KIF13A: variants seen among roughly 807,000 people sequenced by gnomAD.
KIF13A encodes kinesin-like protein KIF13A.
In KIF13A, 79 loss-of-function variants were observed where a neutral mutation model predicts 212.2. That is an observed-to-expected ratio of 0.37 (90% CI 0.31 to 0.45). The LOEUF (loss-of-function observed/expected upper bound fraction) is 0.45, where lower values mean the gene tolerates loss of function less well. Among genes scored for constraint, KIF13A ranks in the 20% least tolerant of loss-of-function variants. The pLI, the probability that KIF13A is intolerant of heterozygous loss-of-function variation, is 1.00. For synonymous variants in KIF13A, 789 were observed against 808.6 expected, an observed-to-expected ratio of 0.98 and a Z score of 0.41; for missense variants, 1,901 against 2,209.0, an observed-to-expected ratio of 0.86 and a Z score of 2.79.
At chr6:17,983,464 C>G (rs1781270329) in intron 2 of KIF13A, among the ~76,000 whole-genome samples, 1 of 151,096 alleles carries the variant, frequency 6.6e-6, no homozygotes, top group African/African-American at 2.4e-5. Context: ...CCACACCCAC[C>G]CCACCCCCAA....
rs778898580 is a variant in KIF13A at position 17,834,027 on chromosome 6, T to C, written c.1200A>G (p.Glu400=). The part of the protein sequence containing the change: ...PELKEKLEES[E]KLIKELTVTW... ...TCACTGTTAGTTCTTTTATCAGCTT[T>C]TCAGACTCTTCGAGCTTCTCCTTCA... The change falls in exon 12 of 39, where the codon GAA becomes GAG. Residue 400 remains glutamate (E), a synonymous_variant. Transcript: ENST00000259711. This position sits in a 1 kb window ranked among gnomAD's most constrained non-coding sequence, Gnocchi z 4.0. 6.2e-7 allele frequency: 1 copy of C among 1,603,318 alleles called. No homozygotes were observed. The highest frequency in any genetic ancestry group is 8.5e-7 in the Non-Finnish European group (1 of 1,177,908).
chr6:17,985,413 ATC>A (rs1198539660), intron 2 of KIF13A, among the ~76,000 whole-genome samples: 1 of 152,170 alleles, frequency 6.6e-6, no homozygotes. Flanking sequence ...ACAAAATCAA[ATC>A]TGTTTCTCTT....
rs1266512680 is a variant in KIF13A, at chr6:17,888,923, T to C, written c.159+9245A>G. On this transcript the variant is annotated intron_variant, in intron 3 of 38. Transcript: ENST00000259711. The surrounding 1 kb of genome is among the most constrained non-coding windows in gnomAD (Gnocchi z 4.8). The stretch of plus-strand genomic sequence containing the variant: ...AAAATCTTATATTCTTTTTCTTTCT[T>C]GTACCAAGTCTTCTAAATCTAGCAT... Among the ~76,000 whole-genome samples the C allele has an allele frequency of 6.6e-6, 1 of 152,222 alleles. No homozygotes were observed. The highest frequency in any genetic ancestry group is 2.4e-5 in the African/African-American group (1 of 41,466).
At chr6:17,975,420 G>A (rs891143407) in intron 2 of KIF13A, among the ~76,000 whole-genome samples, 1 of 152,076 alleles carries the variant, frequency 6.6e-6, no homozygotes, top group Non-Finnish European at 1.5e-5. Flanking sequence ...TTTCCTTTTG[G>A]TGGGTTCGTG....
In KIF13A at chr6:17,926,705, A is replaced by G. The variant is rs1315634020; in HGVS notation, c.147-28525T>C. On this transcript the variant is annotated intron_variant, in intron 2 of 38. Transcript: ENST00000259711. This position sits in a 1 kb window ranked among gnomAD's most constrained non-coding sequence, Gnocchi z 4.3. Reference sequence around the variant, plus strand: ...TGACGTAAAAATTACTTATAATCTCAGAGTGTAATAAGTGGAGAATGTTTA... The same window carrying G: ...TGACGTAAAAATTACTTATAATCTCGGAGTGTAATAAGTGGAGAATGTTTA... 1.3e-5 allele frequency among the ~76,000 whole-genome samples: 2 copies of G among 152,232 alleles called. No individual in the cohort carries two copies. Among genetic ancestry groups the G allele is most frequent in the Non-Finnish European group, 2.9e-5 (2 of 68,038 alleles).
intron 20 of KIF13A, among the ~76,000 whole-genome samples, chr6:17,804,076 C>T (rs1422306586): frequency 2.0e-5 from 3 of 152,114 alleles, no homozygotes; most frequent in African/African-American, 4.8e-5. Context: ...GGCGTGAACC[C>T]GGAAGGCGGA....
chr6:17,942,912 G>A (rs1021390852), intron 2 of KIF13A, among the ~76,000 whole-genome samples: 2 of 152,140 alleles, frequency 1.3e-5, no homozygotes, highest in Admixed American at 6.5e-5. Context: ...CTGGGAGATG[G>A]AGGTTGCAGT....
chr6:17,759,236 T>C (rs2038744), downstream of KIF13A: 149,831 of 152,314 alleles, frequency 0.98, 73,747 homozygotes, highest in Middle Eastern at 1. Flanking sequence ...TAAAGACAAA[T>C]GATTAGTGTT....
chr6:17,937,435 A>G (rs1776563135), intron 2 of KIF13A, among the ~76,000 whole-genome samples: 1 of 152,178 alleles, frequency 6.6e-6, no homozygotes, highest in South Asian at 2.1e-4. Flanking sequence ...TATTTTTGTA[A>G]CTGTCTGAGT....
chr6:17,836,663 G>C (rs768628185), intron 11 of KIF13A, among the ~76,000 whole-genome samples: 1 of 152,072 alleles, frequency 6.6e-6, no homozygotes, highest in South Asian at 2.1e-4. Flanking sequence ...TCACTATCAC[G>C]AGAACAGCAA....
Position 17,780,904 on chromosome 6 carries a change from A to G in KIF13A, c.3672T>C (p.Val1224=), listed in dbSNP as rs1198289158. 1 of 1,612,552 alleles carries G rather than the reference A, an allele frequency of 6.2e-7. No individual in the cohort carries two copies. The highest frequency in any genetic ancestry group is 1.3e-5 in the African/African-American group (1 of 74,906). The part of the protein sequence containing the change: ...LPIIKHSDDE[V]SATASWDSSV... ...AGGAATCCCAAGAGGCTGTGGCTGA[A>G]ACCTAGGAGTTGGGGAATGATGAGG... Residue 1224 remains valine, a splice_region_variant and synonymous_variant, in exon 31 of 39, where the codon GTT becomes GTC. Coordinates refer to ENST00000259711, the MANE Select transcript of KIF13A (RefSeq NM_022113.6).
chr6:17,769,976 G>C lies in KIF13A; in HGVS notation c.4581+1138C>G, dbSNP rs753505667. ...AGGGGAAGAGGGATGAAGAAATAGA[G>C]GGAAAATGGTGCTTTTCTTCTTTCT... On this transcript the variant is annotated intron_variant, in intron 38 of 38. Transcript: ENST00000259711. This position sits in a 1 kb window ranked among gnomAD's most constrained non-coding sequence, Gnocchi z 5.8. Among the ~76,000 whole-genome samples the C allele has an allele frequency of 1.3e-5, 2 of 152,114 alleles. No individual in the cohort carries two copies.
rs976071782 is a variant in KIF13A, at chr6:17,852,186, A to G, written c.495-144T>C. ...CCCCAACAAATCTAAAAGCTACTTT[A>G]TTTGGATTAGCAAAACAATGTTTAA... On this transcript the variant is annotated intron_variant, in intron 6 of 38. Transcript: ENST00000259711. 2.9e-5 allele frequency: 13 copies of G among 443,896 alleles called. No homozygotes were observed. In the Middle Eastern group the frequency reaches 9.1e-4, roughly 31 times the overall value. 27.5% of individuals were successfully genotyped at this position (443,896 alleles called of 1,614,324 possible). A position where few individuals can be genotyped will look rare whatever the true frequency, so the allele number is the denominator to read the frequency against.
chr6:17,941,707 A>G (rs1458998882), intron 2 of KIF13A, among the ~76,000 whole-genome samples: 8 of 151,030 alleles, frequency 5.3e-5, no homozygotes, highest in South Asian at 2.1e-4. Flanking sequence ...AAAATATTCA[A>G]CCTTCAACAT....
chr6:17,916,621 T>C (rs1386725694), intron 2 of KIF13A, among the ~76,000 whole-genome samples: 22 of 152,166 alleles, frequency 1.4e-4, no homozygotes, highest in Non-Finnish European at 1.8e-4. Flanking sequence ...ACTCACAACA[T>C]AGACCCAATG....
At chr6:17,818,093 G>A (rs1764108675) in intron 16 of KIF13A, among the ~76,000 whole-genome samples, 1 of 152,230 alleles carries the variant, frequency 6.6e-6, no homozygotes, top group African/African-American at 2.4e-5. Flanking sequence ...AGTGAGGACA[G>A]TGTAGGGAAG....
chr6:17,884,667 G>A (rs1254530153), intron 3 of KIF13A, among the ~76,000 whole-genome samples: 3 of 152,178 alleles, frequency 2.0e-5, no homozygotes, highest in African/African-American at 7.2e-5. Flanking sequence ...CTTCCCTTGG[G>A]GAAAAAAGTC....
chr6:17,808,668 AG>A (rs1210410008), intron 18 of KIF13A, 99 bp downstream of exon 18: 2 of 1,071,022 alleles, frequency 1.9e-6, no homozygotes, highest in Non-Finnish European at 2.6e-6. Flanking sequence ...GGCTGATATC[AG>A]GATCTCCTCA....
At chr6:17,974,221 A>G (rs1251213518) in intron 2 of KIF13A, among the ~76,000 whole-genome samples, 2 of 152,136 alleles carry the variant, frequency 1.3e-5, no homozygotes, top group Admixed American at 1.3e-4. Context: ...AGCTGGGATT[A>G]CAGGCACACG....
Sources: allele counts gnomAD v4.1 joint callset (sites outside exome capture counted in the v4.1 genomes callset), GRCh38; gene constraint gnomAD v4.1.1; non-coding constraint Gnocchi (gnomAD v3.1); transcripts MANE v1.5; gene names NCBI Gene and HGNC (gene_info 2026-07-23, HGNC 2026-07-21).